Variants in CST7 observed in about 807,000 individuals in gnomAD.
CST7 encodes the protein cystatin-F.
A neutral mutation model predicts 13.1 loss-of-function variants in CST7; 15 were observed. That is an observed-to-expected ratio of 1.14 (90% CI 0.77 to 1.76). The LOEUF (loss-of-function observed/expected upper bound fraction) is 1.76, where lower values mean the gene tolerates loss of function less well. CST7 is among the 40% of genes most tolerant of loss of function. CST7 has a pLI of 0.00. For missense variants in CST7, 193 were observed against 178.8 expected (o/e 1.08, Z -0.45); for synonymous variants, 75 against 66.9 (o/e 1.12, Z -0.59).
At chr20:24,952,180 G>A (rs1031444114) in intron 1 of CST7, among the ~76,000 whole-genome samples, 1 of 152,198 alleles carries the variant, frequency 6.6e-6, no homozygotes, top group East Asian at 1.9e-4. Flanking sequence ...TTACAGTTTT[G>A]CACATCATTT....
intron 1 of CST7, among the ~76,000 whole-genome samples, chr20:24,950,275 C>T (rs1042337237): frequency 3.9e-5 from 6 of 152,328 alleles, no homozygotes; most frequent in African/African-American, 1.4e-4. Context: ...GAAGCTGGCA[C>T]CAGAGGGCTG....
chr20:24,952,884 C>G (rs1159308615), intron 1 of CST7, among the ~76,000 whole-genome samples: 2 of 152,224 alleles, frequency 1.3e-5, no homozygotes, highest in African/African-American at 4.8e-5. Context: ...AATGCCAGCC[C>G]CCGCTGTGCC....
intron 1 of CST7, among the ~76,000 whole-genome samples, chr20:24,954,001 G>A (rs1180295536): frequency 2.0e-5 from 3 of 152,034 alleles, no homozygotes; most frequent in Admixed American, 1.3e-4. Context: ...CCACCTTGCA[G>A]CTGCTCCCCC....
In CST7 at chr20:24,959,888, T is replaced by G; in HGVS notation, c.*176T>G. The G allele has an allele frequency of 1.6e-6, 1 of 607,222 alleles. No homozygotes were observed. The highest frequency in any genetic ancestry group is 2.7e-5 in the East Asian group (1 of 36,600). 37.6% of individuals were successfully genotyped at this position (607,222 alleles called of 1,614,324 possible). A position where few individuals can be genotyped will look rare whatever the true frequency, so the allele number is the denominator to read the frequency against. ...GCTGGAATGGCAGCATGGTAGCACC[T>G]CCTAACAGATTAAATAGATCACATT... On this transcript the variant is annotated 3_prime_UTR_variant, in exon 4 of 4. Coordinates refer to ENST00000480798, the MANE Select transcript of CST7 (RefSeq NM_003650.4).
At position 24,949,626 on chromosome 20, in the gene CST7, G is replaced by A. The variant is rs192796954; in HGVS notation, c.70+51G>A. On this transcript the variant is annotated intron_variant, in intron 1 of 3. Transcript: ENST00000480798. Reference sequence around the variant, plus strand: ...TCCCCGGGGGTCTCTCCCTGAGATTGGCCACTGGTGCCTTGGGTCTTCCCC... The same window carrying A: ...TCCCCGGGGGTCTCTCCCTGAGATTAGCCACTGGTGCCTTGGGTCTTCCCC... 1,642 of 1,607,324 alleles carry A rather than the reference G, an allele frequency of 1.0e-3. 1 individual carries two copies. Among genetic ancestry groups the A allele is most frequent in the Middle Eastern group, 5.3e-3 (32 of 6,030 alleles).
chr20:24,952,206 G>A (rs757227154), intron 1 of CST7, among the ~76,000 whole-genome samples: 2 of 152,222 alleles, frequency 1.3e-5, no homozygotes, highest in African/African-American at 4.8e-5. Context: ...CAAGTGCTTC[G>A]TGTATGTTGC....
chr20:24,952,972 C>CTT (rs10626978), intron 1 of CST7, among the ~76,000 whole-genome samples: 148,344 of 152,352 alleles, frequency 0.97, 72,232 homozygotes, highest in East Asian at 1. Context: ...TGTTTTCTCT[C>CTT]CTCAGGTTGG....
At chr20:24,954,604 T>A (rs1418497696) in intron 1 of CST7, among the ~76,000 whole-genome samples, 1 of 152,256 alleles carries the variant, frequency 6.6e-6, no homozygotes, top group East Asian at 1.9e-4. Flanking sequence ...GCTTTTAATA[T>A]CTGTTTAGAC....
chr20:24,950,529 C>G (rs977801426), intron 1 of CST7, among the ~76,000 whole-genome samples: 1 of 152,186 alleles, frequency 6.6e-6, no homozygotes, highest in Admixed American at 6.5e-5. Context: ...GCGGACGCTG[C>G]GACTGAGCAG....
intron 1 of CST7, among the ~76,000 whole-genome samples, chr20:24,955,528 C>A (rs998786252): frequency 1.2e-4 from 18 of 151,296 alleles, no homozygotes; most frequent in African/African-American, 3.2e-4. Flanking sequence ...CGGCTCACTG[C>A]AAGCTCCGCC....
Position 24,949,350 on chromosome 20 carries a change from G to T in CST7, c.-156G>T. ...GGCCCGTGCTGCCTGAGAAGGATTG[G>T]CACGGGCACAGACCACTGCCCCCAC... On this transcript the variant is annotated 5_prime_UTR_variant, in exon 1 of 4. Transcript: ENST00000480798. 2.6e-6 allele frequency: 4 copies of T among 1,548,490 alleles called. No homozygotes were observed. The highest frequency in any genetic ancestry group is 3.5e-6 in the Non-Finnish European group (4 of 1,145,852).
chr20:24,959,064 T>TGAGAGAAGGGC lies in CST7; in HGVS notation c.360+20_360+21insGAGAGAAGGGC. The TGAGAGAAGGGC allele has an allele frequency of 6.4e-7, 1 of 1,563,362 alleles. No homozygotes were observed. Among genetic ancestry groups the TGAGAGAAGGGC allele is most frequent in the Non-Finnish European group, 8.8e-7 (1 of 1,133,942 alleles). ...AAGCAGGTAAAGCAGCAGGCCCTTC[T>TGAGAGAAGGGC]CTCAGATGTGCCCTCTCTTCCCCAG... On this transcript the variant is annotated intron_variant, in intron 3 of 3. Transcript: ENST00000480798.
intron 1 of CST7, among the ~76,000 whole-genome samples, chr20:24,952,129 C>A (rs1388580996): frequency 6.6e-6 from 1 of 152,242 alleles, no homozygotes. Context: ...TGCCCTGAGA[C>A]CCCTGCTGTG....
chr20:24,949,584 C>T lies in CST7; in HGVS notation c.70+9C>T, dbSNP rs368801661. ...TGGGGGCCCTTCCCCAGGTAAGTGG[C>T]GTTCTCCCCTGTCCGCTCCCCGGGG... On this transcript the variant is annotated intron_variant, in intron 1 of 3. Coordinates refer to ENST00000480798, the MANE Select transcript of CST7 (RefSeq NM_003650.4). The T allele has an allele frequency of 1.2e-5, 19 of 1,613,736 alleles. No individual in the cohort carries two copies. Among genetic ancestry groups the T allele is most frequent in the African/African-American group, 2.7e-5 (2 of 74,936 alleles).
At chr20:24,955,421 T>C (rs1367761719) in intron 1 of CST7, among the ~76,000 whole-genome samples, 1 of 151,680 alleles carries the variant, frequency 6.6e-6, no homozygotes, top group African/African-American at 2.4e-5. Context: ...GAGCGGTTTC[T>C]ATTCCATCTT....
At chr20:24,959,326 A>G (rs1451347155) in intron 3 of CST7, among the ~76,000 whole-genome samples, 1 of 150,922 alleles carries the variant, frequency 6.6e-6, no homozygotes, top group Non-Finnish European at 1.5e-5. Flanking sequence ...GAGTAAGAAA[A>G]GCTTTCAAAC....
Position 24,959,847 on chromosome 20 carries a change from GGGT to G in CST7, c.*136_*138del, listed in dbSNP as rs1160000364. The G allele has an allele frequency of 1.7e-5, 14 of 809,874 alleles. No homozygotes were observed. Among genetic ancestry groups the G allele is most frequent in the Non-Finnish European group, 2.5e-5 (12 of 473,046 alleles). 50.2% of individuals were successfully genotyped at this position (809,874 alleles called of 1,614,324 possible). ...ACGAGTGAGCGGGTGAAGTGCCACT[GGGT>G]CACCGCAGGGCAGCTGGAATGGCAG... On this transcript the variant is annotated 3_prime_UTR_variant, in exon 4 of 4. Transcript: ENST00000480798.
At chr20:24,958,846 T>C in intron 2 of CST7, 82 bp from the exon 3 acceptor site, 2 of 1,016,014 alleles carry the variant, frequency 2.0e-6, no homozygotes, top group Admixed American at 1.8e-5. Context: ...CCTGCACCAC[T>C]GTCTTGAGGC....
intron 1 of CST7, among the ~76,000 whole-genome samples, chr20:24,952,546 C>T (rs1010292437): frequency 3.3e-5 from 5 of 152,172 alleles, no homozygotes; most frequent in Admixed American, 6.5e-5. Context: ...TGGGGTGAAG[C>T]GTCTCCAGGT....
Sources: gnomAD v4.1 joint callset for allele counts (sites outside exome capture counted in the v4.1 genomes callset) on GRCh38, gnomAD v4.1.1 for gene constraint, MANE v1.5 for transcripts, NCBI Gene and HGNC (gene_info 2026-07-23, HGNC 2026-07-21) for gene names.